PXDNL: variants seen among roughly 807,000 people sequenced by gnomAD.
PXDNL encodes the protein peroxidasin like, also known as probable oxidoreductase PXDNL.
Under a neutral mutation model 150.8 loss-of-function variants are expected in PXDNL, and 145 were observed. The ratio of observed to expected loss-of-function variants is 0.96; its 90% CI spans 0.84 to 1.10. The LOEUF is 1.10. PXDNL is among the 50% of genes least tolerant of loss of function. The pLI is 0.00. For synonymous variants in PXDNL, 757 were observed against 725.7 expected (o/e 1.04, Z -0.69); for missense variants, 2,087 against 1,873.9 (o/e 1.11, Z -2.10).
At chr8:51,382,525 C>G (rs1276270097) in intron 17 of PXDNL, among the ~76,000 whole-genome samples, 2 of 152,110 alleles carry the variant, frequency 1.3e-5, no homozygotes, top group Non-Finnish European at 2.9e-5. Flanking sequence ...TTGTCCTAAA[C>G]CTTACACCTG....
intron 14 of PXDNL, among the ~76,000 whole-genome samples, chr8:51,422,791 C>A (rs1330397500): frequency 6.6e-6 from 1 of 152,136 alleles, no homozygotes; most frequent in Non-Finnish European, 1.5e-5. Flanking sequence ...TGTGAACTCC[C>A]ACATGCAGAC....
At chr8:51,521,290 A>G (rs1346556705) in intron 4 of PXDNL, among the ~76,000 whole-genome samples, 1 of 151,622 alleles carries the variant, frequency 6.6e-6, no homozygotes, top group Non-Finnish European at 1.5e-5. Flanking sequence ...TAAATGACTT[A>G]TAAGACTAGA....
At chr8:51,526,551 T>C (rs1268319597) in intron 4 of PXDNL, among the ~76,000 whole-genome samples, 1 of 152,120 alleles carries the variant, frequency 6.6e-6, no homozygotes, top group Non-Finnish European at 1.5e-5. Context: ...GAGAGCTATT[T>C]TATCGTCTCT....
chr8:51,576,466 G>A (rs1196761497), intron 3 of PXDNL, among the ~76,000 whole-genome samples: 3 of 151,478 alleles, frequency 2.0e-5, no homozygotes, highest in Non-Finnish European at 4.4e-5. Context: ...AAAAAAAATC[G>A]GACTAAATCA....
chr8:51,474,900 A>G (rs1386039455), intron 7 of PXDNL, 72 bp downstream of exon 7: 1 of 1,281,536 alleles, frequency 7.8e-7, no homozygotes, highest in East Asian at 2.6e-5. Flanking sequence ...GCAATATTAT[A>G]TAATAAACCT....
rs2130960218 is a variant in PXDNL at position 51,744,146 on chromosome 8, AGGG to A, written c.164+65032_164+65034del. On this transcript the variant is annotated intron_variant, in intron 1 of 22. Coordinates refer to ENST00000356297, the MANE Select transcript of PXDNL (RefSeq NM_144651.5). The stretch of plus-strand genomic sequence containing the variant: ...AGGAAGAAAGAGAAAGGAAGGAAGA[AGGG>A]AGGGAGGAAGGAAGGAAAGAAGGAA... Among the ~76,000 whole-genome samples the A allele has an allele frequency of 3.4e-5, 5 of 145,956 alleles. No homozygotes were observed. The South Asian group carries it at 1.2e-3, about 35-fold the overall frequency.
intron 2 of PXDNL, among the ~76,000 whole-genome samples, chr8:51,634,445 A>G (rs555185025): frequency 2.0e-5 from 3 of 152,054 alleles, no homozygotes; most frequent in African/African-American, 7.2e-5. Context: ...TTTGCTTAAG[A>G]CTTCTTTGGC....
Position 51,453,702 on chromosome 8 carries a change from G to A in PXDNL, c.1066C>T (p.His356Tyr), listed in dbSNP as rs748797879. 8 of 1,614,032 alleles carry A rather than the reference G, an allele frequency of 5.0e-6. No individual in the cohort carries two copies. In the Admixed American group the frequency reaches 6.7e-5, roughly 13 times the overall value. Residue 356 changes from histidine (H) to tyrosine (Y), a missense_variant, in exon 10 of 23, where the codon CAC (histidine) becomes TAC (tyrosine). Coordinates refer to ENST00000356297, the MANE Select transcript of PXDNL (RefSeq NM_144651.5). ...GTCCAAGTGATAAGAGGGTGTGGGT[G>A]GCCTGTGGCCATACATTCCAAAGTT... is the stretch of plus-strand genomic sequence containing the variant. ...STTLECMATG[H>Y]PHPLITWTRD...
At chr8:51,796,488 G>T (rs896059039) in intron 1 of PXDNL, among the ~76,000 whole-genome samples, 3 of 151,774 alleles carry the variant, frequency 2.0e-5, no homozygotes, top group Admixed American at 2.0e-4. Flanking sequence ...ATGACAAAGG[G>T]GTTATCACCA....
intron 3 of PXDNL, among the ~76,000 whole-genome samples, chr8:51,565,321 A>ATAGATAGATAGATAGATAG (rs1812800504): frequency 1.5e-4 from 21 of 135,528 alleles, no homozygotes; most frequent in African/African-American, 6.7e-4. Flanking sequence ...TAAATAAATA[A>ATAGATAGATAGATAGATAG]ATAGATAGAT....
chr8:51,404,632 G>A (rs1808383199), intron 17 of PXDNL, among the ~76,000 whole-genome samples: 1 of 152,172 alleles, frequency 6.6e-6, no homozygotes, highest in African/African-American at 2.4e-5. Flanking sequence ...GCTAGACACA[G>A]GGTGCTGATT....
chr8:51,594,061 TTC>T (rs1188759324), intron 2 of PXDNL, among the ~76,000 whole-genome samples: 1 of 152,228 alleles, frequency 6.6e-6, no homozygotes. Flanking sequence ...ATTAATGCAC[TTC>T]TGTTAGTTTC....
Position 51,661,270 on chromosome 8 carries a change from C to T in PXDNL, c.165-6510G>A, listed in dbSNP as rs1469942679. The stretch of plus-strand genomic sequence containing the variant: ...GCCTCCCAGCTGCCAGAGCTTGAGG[C>T]CATCTTCCGCTGTTGATTGCTGGCC... On this transcript the variant is annotated intron_variant, in intron 1 of 22. Transcript: ENST00000356297. Among the ~76,000 whole-genome samples the T allele has an allele frequency of 2.0e-5, 3 of 152,160 alleles. No homozygotes were observed. In the East Asian group the frequency reaches 5.8e-4, roughly 29 times the overall value.
chr8:51,751,179 CAA>C (rs2037042407), intron 1 of PXDNL, among the ~76,000 whole-genome samples: 1 of 152,082 alleles, frequency 6.6e-6, no homozygotes. Flanking sequence ...TTCTGGGTAA[CAA>C]AATGCTCAGT....
chr8:51,368,053 G>A (rs550952394), intron 19 of PXDNL, among the ~76,000 whole-genome samples: 5 of 152,242 alleles, frequency 3.3e-5, no homozygotes, highest in South Asian at 2.1e-4. Context: ...ATTTGAACCC[G>A]GGAGGGAGAG....
At chr8:51,772,511 G>A (rs2129243270) in intron 1 of PXDNL, among the ~76,000 whole-genome samples, 1 of 152,332 alleles carries the variant, frequency 6.6e-6, no homozygotes, top group East Asian at 1.9e-4. Flanking sequence ...TCAGCAAGCT[G>A]GGCAGAGCAG....
At chr8:51,684,977 T>G (rs971061292) in intron 1 of PXDNL, among the ~76,000 whole-genome samples, 37 of 152,188 alleles carry the variant, frequency 2.4e-4, no homozygotes, top group African/African-American at 8.7e-4. Context: ...AGCAAGAACC[T>G]AGCCATGGGA....
intron 1 of PXDNL, among the ~76,000 whole-genome samples, chr8:51,710,764 G>A (rs1025111379): frequency 1.3e-5 from 2 of 151,892 alleles, no homozygotes; most frequent in Non-Finnish European, 2.9e-5. Context: ...TGTCACAAAG[G>A]GCAAAAACCA....
chr8:51,451,288 T>C (rs984028189), intron 10 of PXDNL, among the ~76,000 whole-genome samples: 3 of 152,144 alleles, frequency 2.0e-5, no homozygotes, highest in Non-Finnish European at 2.9e-5. Context: ...ATAGAAAACA[T>C]TTAAGAAAAT....
Sources: gnomAD v4.1 joint callset for allele counts (sites outside exome capture counted in the v4.1 genomes callset) on GRCh38, gnomAD v4.1.1 for gene constraint, MANE v1.5 for transcripts, NCBI Gene and HGNC (gene_info 2026-07-23, HGNC 2026-07-21) for gene names.